The following TMEM232 variants were observed in gnomAD, a reference collection of about 807,000 sequenced individuals.
TMEM232 encodes transmembrane protein 232.
Under a neutral mutation model 78.8 loss-of-function variants are expected in TMEM232, and 80 were observed. The ratio of observed to expected loss-of-function variants is 1.01; its 90% CI spans 0.85 to 1.22. TMEM232 has a LOEUF of 1.22. TMEM232 is among the 50% of genes most tolerant of loss of function. TMEM232 has a pLI of 0.00. For synonymous variants in TMEM232, 297 were observed against 254.3 expected, an observed-to-expected ratio of 1.17 and a Z score of -1.60; for missense variants, 881 against 742.2, an observed-to-expected ratio of 1.19 and a Z score of -2.17.
intron 2 of TMEM232, among the ~76,000 whole-genome samples, chr5:110,734,138 C>A (rs187327070): frequency 1.3e-4 from 20 of 152,306 alleles, no homozygotes; most frequent in Admixed American, 1.2e-3. Context: ...CCAAAATAAT[C>A]TTAGTGGTTT....
intron 3 of TMEM232, among the ~76,000 whole-genome samples, chr5:110,393,868 G>A (rs1428829588): frequency 2.1e-5 from 3 of 145,668 alleles, no homozygotes; most frequent in East Asian, 4.1e-4. Context: ...TGAGGCAGAA[G>A]AATCACTTGA....
rs776043149 is a variant in TMEM232, at chr5:110,640,762, T to C, written c.343+129A>G. 7 of 471,446 alleles carry C rather than the reference T, an allele frequency of 1.5e-5. No homozygotes were observed. The South Asian group carries it at 5.0e-4, about 34-fold the overall frequency. The allele number at this position is 471,446 out of a possible 1,614,324, so 29.2% of individuals were successfully genotyped here. A position where few individuals can be genotyped will look rare whatever the true frequency, so the allele number is the denominator to read the frequency against. The stretch of plus-strand genomic sequence containing the variant: ...TACAAAATGAATTTTCATAATAAAA[T>C]GTATTTTGATAGAGTAGAAAAATTT... On this transcript the variant is annotated intron_variant, in intron 4 of 13. Coordinates refer to ENST00000455884, the MANE Select transcript of TMEM232 (RefSeq NM_001039763.4).
In TMEM232 at chr5:110,641,002, A is replaced by G. The variant is rs762669842; in HGVS notation, c.238-6T>C. ...GTTTTGAGACCCAATTTTCTCTGTT[A>G]TGAGGAAGCATGAAAAAGACAAATC... On this transcript the variant is annotated splice_polypyrimidine_tract_variant and splice_region_variant and intron_variant, in intron 3 of 13. Transcript: ENST00000455884. The G allele has an allele frequency of 6.7e-7, 1 of 1,492,940 alleles. No individual in the cohort carries two copies. The highest frequency in any genetic ancestry group is 8.9e-7 in the Non-Finnish European group (1 of 1,117,790). The allele number at this position is 1,492,940 out of a possible 1,614,324, so 92.5% of individuals were successfully genotyped here. A position where few individuals can be genotyped will look rare whatever the true frequency, so the allele number is the denominator to read the frequency against.
intron 12 of TMEM232, among the ~76,000 whole-genome samples, chr5:110,449,285 CA>C (rs1215125963): frequency 6.6e-6 from 1 of 151,870 alleles, no homozygotes; most frequent in Non-Finnish European, 1.5e-5. Context: ...GCCAAATTAA[CA>C]ATGATCTTAA....
intron 1 of TMEM232, among the ~76,000 whole-genome samples, chr5:110,672,477 C>T (rs1203801135): frequency 2.6e-5 from 4 of 152,122 alleles, no homozygotes; most frequent in South Asian, 2.1e-4. Context: ...ACAAGAGAGA[C>T]AATTTGTGCC....
chr5:110,533,110 C>T (rs1202240146), intron 11 of TMEM232, among the ~76,000 whole-genome samples: 1 of 152,118 alleles, frequency 6.6e-6, no homozygotes, highest in East Asian at 1.9e-4. Context: ...TTTCACTATT[C>T]CCCTGCACCC....
At chr5:110,404,670 A>G (rs963355341) in intron 2 of TMEM232, among the ~76,000 whole-genome samples, 1 of 152,130 alleles carries the variant, frequency 6.6e-6, no homozygotes, top group East Asian at 1.9e-4. Flanking sequence ...AAACAACAAA[A>G]TTGACAAAAT....
At chr5:110,570,959 A>C (rs977301893) in intron 10 of TMEM232, among the ~76,000 whole-genome samples, 3 of 151,990 alleles carry the variant, frequency 2.0e-5, no homozygotes, top group Non-Finnish European at 4.4e-5. Context: ...AACTACTGGA[A>C]GTTCTAGAAT....
At chr5:110,650,175 A>C (rs1788101675) in intron 2 of TMEM232, among the ~76,000 whole-genome samples, 1 of 151,996 alleles carries the variant, frequency 6.6e-6, no homozygotes, top group South Asian at 2.1e-4. Flanking sequence ...TTTAGTCATA[A>C]ATTAAAATTT....
intron 2 of TMEM232, among the ~76,000 whole-genome samples, chr5:110,651,029 G>C (rs577739285): frequency 6.6e-6 from 1 of 152,200 alleles, no homozygotes; most frequent in South Asian, 2.1e-4. Context: ...ATCACTTCAA[G>C]ATACAGCTTA....
At position 110,545,066 on chromosome 5, in the gene TMEM232, G is replaced by A. The variant is rs116212686; in HGVS notation, c.1456-16231C>T. Among the ~76,000 whole-genome samples the A allele has an allele frequency of 4.5e-3, 692 of 152,198 alleles. 6 individuals carry two copies. The highest frequency in any genetic ancestry group is 0.016 in the African/African-American group (654 of 41,550). ...TGATGAAAATATTTTGCTTCACAAG[G>A]TTATGGTAAAGATTAAACAAAAAGC... On this transcript the variant is annotated intron_variant, in intron 11 of 13. Coordinates refer to ENST00000455884, the MANE Select transcript of TMEM232 (RefSeq NM_001039763.4).
intron 12 of TMEM232, among the ~76,000 whole-genome samples, chr5:110,494,758 C>A (rs1446277966): frequency 6.6e-6 from 1 of 151,858 alleles, no homozygotes; most frequent in African/African-American, 2.4e-5. Flanking sequence ...ATAAAATATA[C>A]CTCTATGAAA....
At chr5:110,456,521 T>G (rs943475869) in intron 12 of TMEM232, among the ~76,000 whole-genome samples, 7 of 152,142 alleles carry the variant, frequency 4.6e-5, no homozygotes, top group African/African-American at 1.7e-4. Flanking sequence ...TGAAGGATTT[T>G]ATATAGTAAT....
chr5:110,541,634 C>G (rs1326564413), intron 11 of TMEM232, among the ~76,000 whole-genome samples: 1 of 152,148 alleles, frequency 6.6e-6, no homozygotes, highest in Non-Finnish European at 1.5e-5. Flanking sequence ...ACTATCCAAA[C>G]TCTAAAGTGA....
At chr5:110,542,280 A>G (rs1773233095) in intron 11 of TMEM232, among the ~76,000 whole-genome samples, 1 of 152,150 alleles carries the variant, frequency 6.6e-6, no homozygotes, top group African/African-American at 2.4e-5. Flanking sequence ...CCTTTTCCAG[A>G]TGGATGGAAC....
chr5:110,603,845 A>C (rs958913482), intron 10 of TMEM232, among the ~76,000 whole-genome samples: 3 of 152,150 alleles, frequency 2.0e-5, no homozygotes, highest in African/African-American at 7.2e-5. Context: ...TATTGAAGGC[A>C]ATTTAAAAAT....
At position 110,629,944 on chromosome 5, in the gene TMEM232, A is replaced by G. The variant is rs146796047; in HGVS notation, c.502-2064T>C. Among the ~76,000 whole-genome samples, 405 of 152,306 alleles carry G rather than the reference A, an allele frequency of 2.7e-3. 3 individuals carry two copies. The highest frequency in any genetic ancestry group is 9.5e-3 in the African/African-American group (394 of 41,572). ...ATATTCGGGGATCATATGTTTCTGG[A>G]TCTATTCAACCCTGAGTTACTTCTC... On this transcript the variant is annotated intron_variant, in intron 5 of 13. Transcript: ENST00000455884.
At chr5:110,627,968 C>T (rs1459207197) in intron 5 of TMEM232, 88 bp from the exon 6 acceptor site, 6 of 930,616 alleles carry the variant, frequency 6.4e-6, no homozygotes, top group African/African-American at 1.7e-5. Context: ...TATATTATTA[C>T]ATTTTCTTTT....
At chr5:110,396,023 A>G (rs1755374613) in intron 3 of TMEM232, among the ~76,000 whole-genome samples, 1 of 152,156 alleles carries the variant, frequency 6.6e-6, no homozygotes, top group Non-Finnish European at 1.5e-5. Flanking sequence ...GCTATAAAGA[A>G]TACCTGAGAC....
Sources: allele counts gnomAD v4.1 joint callset (sites outside exome capture counted in the v4.1 genomes callset), GRCh38; gene constraint gnomAD v4.1.1; transcripts MANE v1.5; gene names NCBI Gene and HGNC (gene_info 2026-07-23, HGNC 2026-07-21).